The following TASP1 variants were observed in gnomAD, a reference collection of about 807,000 sequenced individuals.
TASP1 encodes the protein taspase 1.
TASP1 carries 16 observed loss-of-function variants against 56.6 expected under a neutral mutation model. The observed-to-expected ratio is 0.28, with a 90% CI of 0.19 to 0.43. The LOEUF (loss-of-function observed/expected upper bound fraction) is 0.43, where lower values mean the gene tolerates loss of function less well. TASP1 is among the 20% of genes least tolerant of loss of function. The pLI is 1.00. For synonymous variants in TASP1, 179 were observed against 184.2 expected (o/e 0.97, Z 0.23); for missense variants, 393 against 511.6 (o/e 0.77, Z 2.24).
At position 13,636,459 on chromosome 20, in the gene TASP1, CT is replaced by C. The variant is rs532569207; in HGVS notation, c.-75+2434del. 3.3e-3 allele frequency among the ~76,000 whole-genome samples: 494 copies of C among 151,838 alleles called. 4 individuals are homozygous for C. Among genetic ancestry groups the C allele is most frequent in the African/African-American group, 0.012 (480 of 41,378 alleles). On this transcript the variant is annotated intron_variant, in intron 1 of 13. Transcript: ENST00000337743. Reference sequence around the variant, plus strand: ...ACAGGCGTGAGCCACCACACCCAGCCTTGTGTTGTTGCTTTTAACATCGTGA... The same window carrying C: ...ACAGGCGTGAGCCACCACACCCAGCCTGTGTTGTTGCTTTTAACATCGTGA...
chr20:13,512,093 T>C (rs1289750629), intron 10 of TASP1, among the ~76,000 whole-genome samples: 1 of 152,136 alleles, frequency 6.6e-6, no homozygotes, highest in Non-Finnish European at 1.5e-5. Flanking sequence ...TATAGCAGCA[T>C]GTTTTATAAT....
At chr20:13,460,017 T>C (rs368196887) in intron 11 of TASP1, among the ~76,000 whole-genome samples, 7 of 152,276 alleles carry the variant, frequency 4.6e-5, no homozygotes, top group African/African-American at 1.7e-4. Context: ...CCCCATTATC[T>C]TCTTCAAGAA....
At chr20:13,154,624 C>T in the TASP1 span, among the ~76,000 whole-genome samples, 1 of 152,154 alleles carries the variant, frequency 6.6e-6, no homozygotes, top group Admixed American at 6.5e-5. Flanking sequence ...TGCCCAAAGT[C>T]ACACAAGTCA....
At chr20:13,193,553 C>A in the TASP1 span, among the ~76,000 whole-genome samples, 2 of 152,180 alleles carry the variant, frequency 1.3e-5, no homozygotes, top group African/African-American at 4.8e-5. Flanking sequence ...GTTGCATATA[C>A]TAGTTAGAAA....
chr20:13,191,881 A>T, the TASP1 span, among the ~76,000 whole-genome samples: 1 of 152,186 alleles, frequency 6.6e-6, no homozygotes, highest in African/African-American at 2.4e-5. Flanking sequence ...TTATGTATCA[A>T]TTAAAATTGT....
chr20:13,390,361 C>A lies in TASP1; in HGVS notation c.1262G>T (p.Ter421LeuextTer23). The part of the protein sequence containing the change: ...GVCRLESPVN[*>L] ...ACGCTTCACACTCAGCCTGAAGGGT[C>A]AGTTCACTGGGCTCTCCAGGCGGCA... Residue 421 changes from the stop codon to leucine (L), a stop_lost, in exon 14 of 14, where the codon TGA (stop) becomes TTA (leucine). Transcript: ENST00000337743. 6.2e-7 allele frequency: 1 copy of A among 1,613,896 alleles called. No individual in the cohort carries two copies. The highest frequency in any genetic ancestry group is 1.1e-5 in the South Asian group (1 of 91,032).
chr20:13,299,576 C>T, the TASP1 span: 3 of 955,914 alleles, frequency 3.1e-6, no homozygotes, highest in South Asian at 4.8e-5. This position sits in a 1 kb window ranked among gnomAD's most constrained non-coding sequence, Gnocchi z 5.8. Context: ...TTTGTATATA[C>T]CACATGAGTA....
the TASP1 span, among the ~76,000 whole-genome samples, chr20:13,189,641 TA>T: frequency 5.9e-5 from 9 of 151,686 alleles, no homozygotes; most frequent in South Asian, 4.2e-4. Flanking sequence ...TATTATTAAA[TA>T]AAAAAAATAG....
At chr20:13,185,202 A>T in the TASP1 span, among the ~76,000 whole-genome samples, 1 of 152,146 alleles carries the variant, frequency 6.6e-6, no homozygotes, top group African/African-American at 2.4e-5. Context: ...ACCATTTCCA[A>T]TGCTCTACTT....
the TASP1 span, among the ~76,000 whole-genome samples, chr20:13,231,080 C>T: frequency 3.3e-5 from 5 of 152,186 alleles, no homozygotes; most frequent in African/African-American, 9.6e-5. Flanking sequence ...AAATAAATTA[C>T]TTGTTCTTTG....
chr20:13,294,002 A>C, the TASP1 span, among the ~76,000 whole-genome samples: 2 of 152,066 alleles, frequency 1.3e-5, no homozygotes, highest in Non-Finnish European at 2.9e-5. Context: ...AAAGAAAAAA[A>C]AGAAAAGAAA....
chr20:13,396,137 T>C (rs1172663230), intron 13 of TASP1, among the ~76,000 whole-genome samples: 2 of 152,160 alleles, frequency 1.3e-5, no homozygotes, highest in Non-Finnish European at 2.9e-5. Flanking sequence ...TTTACATTTT[T>C]TTCTCTCTTA....
chr20:13,402,161 T>C (rs2041762134), intron 13 of TASP1, among the ~76,000 whole-genome samples: 1 of 152,232 alleles, frequency 6.6e-6, no homozygotes, highest in African/African-American at 2.4e-5. Context: ...AGACTTATAC[T>C]CTTAACAACA....
Position 13,472,729 on chromosome 20 carries a change from A to C in TASP1, c.985+10498T>G, listed in dbSNP as rs540476428. ...CGTTTATGCAGCCAGCAGACACATG[A>C]AAAAATGCTCATCATCACTGCTCAT... On this transcript the variant is annotated intron_variant, in intron 11 of 13. Coordinates refer to ENST00000337743, the MANE Select transcript of TASP1 (RefSeq NM_017714.3). 2.6e-4 allele frequency among the ~76,000 whole-genome samples: 40 copies of C among 151,438 alleles called. 6 individuals are homozygous for C. The highest frequency in any genetic ancestry group is 9.2e-4 in the African/African-American group (38 of 41,090).
At chr20:13,197,804 A>G in the TASP1 span, among the ~76,000 whole-genome samples, 1 of 152,342 alleles carries the variant, frequency 6.6e-6, no homozygotes, top group South Asian at 2.1e-4. Flanking sequence ...CAGATTGCCT[A>G]GAGTTCAAAT....
At chr20:13,380,742 G>C in the TASP1 span, among the ~76,000 whole-genome samples, 6 of 152,148 alleles carry the variant, frequency 3.9e-5, no homozygotes, top group Non-Finnish European at 4.4e-5. Context: ...CCCCTGACTG[G>C]GGCTGCTGCC....
the TASP1 span, among the ~76,000 whole-genome samples, chr20:13,340,672 C>A: frequency 1.3e-5 from 2 of 152,052 alleles, no homozygotes; most frequent in African/African-American, 4.8e-5. Context: ...GGGTTATAAG[C>A]CTTCCAATTC....
chr20:13,366,480 C>T, the TASP1 span, among the ~76,000 whole-genome samples: 391 of 152,310 alleles, frequency 2.6e-3, no homozygotes, highest in African/African-American at 8.4e-3. Context: ...TACCTTTTAT[C>T]TATAAACAAT....
chr20:13,573,320 G>C (rs529206835), intron 6 of TASP1, among the ~76,000 whole-genome samples: 1 of 152,332 alleles, frequency 6.6e-6, no homozygotes, highest in East Asian at 1.9e-4. Context: ...ATTAGGTCAT[G>C]AGGGTGAAGC....
Sources: allele counts gnomAD v4.1 joint callset (sites outside exome capture counted in the v4.1 genomes callset), GRCh38; gene constraint gnomAD v4.1.1; non-coding constraint Gnocchi (gnomAD v3.1); transcripts MANE v1.5; gene names NCBI Gene and HGNC (gene_info 2026-07-23, HGNC 2026-07-21).